ARHGAP5: variants seen among roughly 807,000 people sequenced by gnomAD.
ARHGAP5 encodes Rho GTPase activating protein 5, also known as rho GTPase-activating protein 5.
Under a neutral mutation model 116.6 loss-of-function variants are expected in ARHGAP5, and 23 were observed. That is an observed-to-expected ratio of 0.20 (90% CI 0.14 to 0.28). The LOEUF is 0.28. Ranked by LOEUF, ARHGAP5 falls within the 10% of genes least tolerant of loss-of-function variation. The probability of loss-of-function intolerance (pLI) is 1.00; values close to 1 mark genes in which losing one functional copy is unlikely to be tolerated. For synonymous variants in ARHGAP5, 574 were observed against 602.0 expected, an observed-to-expected ratio of 0.95 and a Z score of 0.68; for missense variants, 1,405 against 1,774.8, an observed-to-expected ratio of 0.79 and a Z score of 3.74.
chr14:32,119,004 G>A (rs1879745550), intron 3 of ARHGAP5, among the ~76,000 whole-genome samples: 1 of 151,980 alleles, frequency 6.6e-6, no homozygotes, highest in African/African-American at 2.4e-5. Flanking sequence ...AATTAGTTTA[G>A]GTCAACTCTC....
chr14:32,087,272 A>G (rs185923307), intron 1 of ARHGAP5, among the ~76,000 whole-genome samples: 56 of 152,120 alleles, frequency 3.7e-4, no homozygotes, highest in African/African-American at 1.1e-3. Flanking sequence ...TAAGGGGCCA[A>G]TGGATAATTT....
At position 32,091,941 on chromosome 14, in the gene ARHGAP5, G is replaced by C. The variant is rs1481928952; in HGVS notation, c.1272G>C (p.Glu424Asp). Residue 424 changes from glutamate to aspartate, a missense_variant, in exon 2 of 7, where the codon GAG becomes GAC. Glu to Asp is a conservative substitution (Grantham distance 45). Transcript: ENST00000345122. ...ACCATGTACAGCATCTGATATCCGA[G>C]AAGAGGAGGGTGGAAATGAAGGAAA... ...YQNHVQHLIS[E>D]KRRVEMKEKF... is the part of the protein sequence containing the mutation. 1 of 1,613,672 alleles carries C rather than the reference G, an allele frequency of 6.2e-7. No individual in the cohort carries two copies.
At chr14:32,120,823 A>G (rs1879848139) in intron 3 of ARHGAP5, among the ~76,000 whole-genome samples, 1 of 151,882 alleles carries the variant, frequency 6.6e-6, no homozygotes, top group Admixed American at 6.6e-5. Flanking sequence ...AAATTCTTTG[A>G]GTGTGTTGGT....
intron 3 of ARHGAP5, among the ~76,000 whole-genome samples, chr14:32,142,080 G>A (rs1406600964): frequency 6.6e-6 from 1 of 152,012 alleles, no homozygotes; most frequent in Non-Finnish European, 1.5e-5. Flanking sequence ...TTCAATTGCA[G>A]AATTTCTTTT....
chr14:32,090,390 T>A (rs1272459052), intron 1 of ARHGAP5, 112 bp from the exon 2 acceptor site: 1 of 424,562 alleles, frequency 2.4e-6, no homozygotes, highest in Non-Finnish European at 4.1e-6. Context: ...CCTCTTAAAA[T>A]ACATGTATCA....
intron 1 of ARHGAP5, 63 bp from the exon 2 acceptor site, chr14:32,090,439 T>G (rs2139013019): frequency 2.1e-6 from 1 of 475,548 alleles, no homozygotes; most frequent in Non-Finnish European, 3.7e-6. Flanking sequence ...GTAAACATCT[T>G]TATTGTAATT....
At chr14:32,130,691 C>T (rs770200770) in intron 3 of ARHGAP5, among the ~76,000 whole-genome samples, 61 of 151,814 alleles carry the variant, frequency 4.0e-4, no homozygotes, top group Non-Finnish European at 8.2e-4. Flanking sequence ...TGCCACCACA[C>T]CCCGCTGATT....
intron 3 of ARHGAP5, among the ~76,000 whole-genome samples, chr14:32,131,314 TATTA>T (rs934332245): frequency 2.0e-5 from 3 of 151,874 alleles, no homozygotes; most frequent in African/African-American, 7.3e-5. Flanking sequence ...CTAAGATTTG[TATTA>T]ATTGTGTTAA....
Position 32,090,596 on chromosome 14 carries a change from T to G in ARHGAP5, c.-74T>G. ...GTTCTGAAATTTGGGATCTGTATTT[T>G]GAGATGATTTTATTTTCAGAATGAG... On this transcript the variant is annotated 5_prime_UTR_variant, in exon 2 of 7. Transcript: ENST00000345122. 1.5e-6 allele frequency: 2 copies of G among 1,340,334 alleles called. No individual in the cohort carries two copies. Among genetic ancestry groups the G allele is most frequent in the Non-Finnish European group, 2.0e-6 (2 of 979,798 alleles). 83.0% of individuals were successfully genotyped at this position (1,340,334 alleles called of 1,614,324 possible). A position where few individuals can be genotyped will look rare whatever the true frequency, so the allele number is the denominator to read the frequency against.
intron 2 of ARHGAP5, among the ~76,000 whole-genome samples, chr14:32,102,695 A>G (rs1422497187): frequency 1.3e-5 from 2 of 152,222 alleles, no homozygotes; most frequent in Non-Finnish European, 2.9e-5. Context: ...TTTATAGTTG[A>G]TCTCCATGGC....
chr14:32,108,164 G>T (rs1163001387), intron 2 of ARHGAP5, among the ~76,000 whole-genome samples: 1 of 152,112 alleles, frequency 6.6e-6, no homozygotes, highest in African/African-American at 2.4e-5. Context: ...GATGGAAGTG[G>T]GTTGAAGAGT....
intron 2 of ARHGAP5, among the ~76,000 whole-genome samples, chr14:32,114,025 G>A (rs1879433880): frequency 1.3e-5 from 2 of 152,088 alleles, no homozygotes; most frequent in Non-Finnish European, 2.9e-5. Flanking sequence ...TCAGGAGATC[G>A]AGACCATCCT....
intron 3 of ARHGAP5, among the ~76,000 whole-genome samples, chr14:32,126,741 TTTTTC>T (rs1176557191): frequency 2.0e-5 from 3 of 152,262 alleles, no homozygotes; most frequent in East Asian, 1.9e-4. Flanking sequence ...AATCATGTTA[TTTTTC>T]TTTTCTTTCA....
At position 32,093,143 on chromosome 14, in the gene ARHGAP5, A is replaced by T; in HGVS notation, c.2474A>T (p.Lys825Ile). ...ATGCTTGATAAAATCATTGGTGAAA[A>T]AAGGAGGCGAATACAGATCACAATA... ...SLMLDKIIGE[K>I]RRRIQITILS... Residue 825 changes from lysine to isoleucine, a missense_variant, in exon 2 of 7, where the codon AAA (lysine) becomes ATA (isoleucine). Around this residue, in one of 6 missense-constraint regions of ARHGAP5, gnomAD observed 944 missense variants for 1,095.3 expected, o/e 0.86. Coordinates refer to ENST00000345122, the MANE Select transcript of ARHGAP5 (RefSeq NM_001030055.2). The T allele has an allele frequency of 1.2e-6, 2 of 1,614,018 alleles. No individual in the cohort carries two copies. Among genetic ancestry groups the T allele is most frequent in the Non-Finnish European group, 1.7e-6 (2 of 1,179,936 alleles).
intron 2 of ARHGAP5, among the ~76,000 whole-genome samples, chr14:32,102,725 C>A (rs1209341915): frequency 6.6e-6 from 1 of 152,186 alleles, no homozygotes; most frequent in Non-Finnish European, 1.5e-5. Flanking sequence ...TACTCTGTGT[C>A]ATAGTGTGAT....
chr14:32,103,238 GT>G (rs1006831967), intron 2 of ARHGAP5, among the ~76,000 whole-genome samples: 2 of 152,160 alleles, frequency 1.3e-5, no homozygotes, highest in African/African-American at 4.8e-5. Context: ...ATTTCTGGCA[GT>G]ATTTTACTAT....
At chr14:32,122,633 T>C (rs1017557588) in intron 3 of ARHGAP5, among the ~76,000 whole-genome samples, 3 of 152,228 alleles carry the variant, frequency 2.0e-5, no homozygotes, top group Non-Finnish European at 4.4e-5. Flanking sequence ...CCAAGAGTTT[T>C]ACGGTTTTAT....
At chr14:32,107,571 T>C (rs995178425) in intron 2 of ARHGAP5, among the ~76,000 whole-genome samples, 2 of 152,116 alleles carry the variant, frequency 1.3e-5, no homozygotes, top group African/African-American at 4.8e-5. Flanking sequence ...TTTTAAATAG[T>C]ATTTTGGAAG....
intron 1 of ARHGAP5, among the ~76,000 whole-genome samples, chr14:32,082,629 T>G (rs2041788877): frequency 6.6e-6 from 1 of 152,170 alleles, no homozygotes; most frequent in African/African-American, 2.4e-5. Flanking sequence ...GCAGTCCGCC[T>G]CCTGGGTTCA....
Sources: gnomAD v4.1 joint callset for allele counts (sites outside exome capture counted in the v4.1 genomes callset) on GRCh38, gnomAD v4.1.1 for gene constraint, gnomAD v4.1.1 regional missense constraint, MANE v1.5 for transcripts, NCBI Gene and HGNC (gene_info 2026-07-23, HGNC 2026-07-21) for gene names.